PARVB: variants seen among roughly 807,000 people sequenced by gnomAD.
The protein encoded by PARVB is beta-parvin.
In PARVB, 46 loss-of-function variants were observed where a neutral mutation model predicts 47.0. The observed-to-expected ratio is 0.98, with a 90% CI of 0.77 to 1.25. PARVB has a LOEUF of 1.25. PARVB is among the 50% of genes most tolerant of loss of function. PARVB has a pLI of 0.00. For missense variants in PARVB, 473 were observed against 471.6 expected (o/e 1.00, Z -0.03); for synonymous variants, 196 against 196.3 (o/e 1.00, Z 0.01).
chr22:44,128,587 A>C (rs776059210), intron 4 of PARVB, among the ~76,000 whole-genome samples: 5 of 152,202 alleles, frequency 3.3e-5, no homozygotes, highest in African/African-American at 4.8e-5. Context: ...TCCACCACCA[A>C]ATTCATATTT....
chr22:44,114,341 G>C (rs539540639), intron 3 of PARVB: 1 of 143,950 alleles, frequency 6.9e-6, no homozygotes, highest in East Asian at 2.2e-4. Context: ...CTAAAGCCTT[G>C]CACCAACATG....
chr22:44,001,605 G>T (rs1443335757), intron 2 of PARVB, among the ~76,000 whole-genome samples: 1 of 152,238 alleles, frequency 6.6e-6, no homozygotes, highest in Non-Finnish European at 1.5e-5. Context: ...TACATCGGAA[G>T]TGGGACCATT....
chr22:44,043,980 G>A (rs1326105792), intron 1 of PARVB, among the ~76,000 whole-genome samples: 2 of 152,142 alleles, frequency 1.3e-5, no homozygotes, highest in Admixed American at 6.5e-5. Context: ...TGGGCTTGGT[G>A]CTGTACGCAG....
intron 2 of PARVB, among the ~76,000 whole-genome samples, chr22:44,094,233 CG>C (rs1348288520): frequency 6.6e-6 from 1 of 152,190 alleles, no homozygotes; most frequent in Admixed American, 6.5e-5. Context: ...AGTCTTAAAA[CG>C]TAAGTTTTAT....
chr22:44,099,575 T>G (rs1225643473), intron 2 of PARVB, among the ~76,000 whole-genome samples: 1 of 152,216 alleles, frequency 6.6e-6, no homozygotes, highest in African/African-American at 2.4e-5. Flanking sequence ...GCATGTTATT[T>G]TACATACAAC....
Position 44,155,429 on chromosome 22 carries a change from C to T in PARVB, c.844-2553C>T, listed in dbSNP as rs981444593. The stretch of plus-strand genomic sequence containing the variant: ...GTCACCCGCTCGCAGCTGGGCCCCC[C>T]AGCCCTGCCCTCTCCTTGTGGCCGT... On this transcript the variant is annotated intron_variant, in intron 10 of 12. Transcript: ENST00000338758. This position sits in a 1 kb window ranked among gnomAD's most constrained non-coding sequence, Gnocchi z 4.8. Among the ~76,000 whole-genome samples, 13 of 152,312 alleles carry T rather than the reference C, an allele frequency of 8.5e-5. No individual in the cohort carries two copies. Among genetic ancestry groups the T allele is most frequent in the African/African-American group, 2.4e-4 (10 of 41,572 alleles).
intron 8 of PARVB, chr22:44,147,390 G>C: frequency 3.0e-6 from 1 of 331,890 alleles, no homozygotes; most frequent in Non-Finnish European, 6.0e-6. Flanking sequence ...GCCAGGAGTG[G>C]AGTAGGAGGC....
intron 1 of PARVB, chr22:44,069,092 C>G: frequency 6.2e-7 from 1 of 1,609,804 alleles, no homozygotes; most frequent in Non-Finnish European, 8.5e-7. Context: ...GGGGTGTGTG[C>G]CCGCCTGCCC....
intron 1 of PARVB, among the ~76,000 whole-genome samples, chr22:44,052,515 A>G (rs2051228291): frequency 6.6e-6 from 1 of 152,228 alleles, no homozygotes; most frequent in African/African-American, 2.4e-5. Context: ...CTTTCTGTAA[A>G]GATCCAGAGA....
At chr22:44,160,080 A>G (rs761595857) in intron 11 of PARVB, among the ~76,000 whole-genome samples, 2 of 152,228 alleles carry the variant, frequency 1.3e-5, no homozygotes, top group Non-Finnish European at 2.9e-5. Flanking sequence ...CCCATGAGCT[A>G]TCTCAGAGGC....
chr22:44,063,934 T>A (rs1048259587), intron 1 of PARVB, among the ~76,000 whole-genome samples: 4 of 152,200 alleles, frequency 2.6e-5, no homozygotes, highest in Non-Finnish European at 5.9e-5. Flanking sequence ...CTTCCCATTC[T>A]CGGGGCCAGG....
intron 1 of PARVB, among the ~76,000 whole-genome samples, chr22:44,056,643 C>T (rs191025668): frequency 0.013 from 1,970 of 151,936 alleles, 56 homozygotes; most frequent in African/African-American, 0.045. Flanking sequence ...GTAGCTGGGA[C>T]GACAGGCGTG....
intron 6 of PARVB, among the ~76,000 whole-genome samples, chr22:44,135,822 T>C (rs2053430442): frequency 6.6e-6 from 1 of 152,212 alleles, no homozygotes; most frequent in Non-Finnish European, 1.5e-5. Context: ...TGTTCTTGGC[T>C]TGTGGCCACA....
chr22:44,138,348 A>G (rs1240065657), intron 7 of PARVB, among the ~76,000 whole-genome samples: 1 of 152,106 alleles, frequency 6.6e-6, no homozygotes, highest in Non-Finnish European at 1.5e-5. Context: ...AGCCACCTCA[A>G]TCAGATATCA....
chr22:44,167,491 G>T (rs2054193581), intron 12 of PARVB, among the ~76,000 whole-genome samples: 1 of 152,124 alleles, frequency 6.6e-6, no homozygotes, highest in Non-Finnish European at 1.5e-5. Context: ...CTCCCTGTGA[G>T]TCCACCATGG....
At chr22:44,091,150 T>G (rs2052156934) in intron 1 of PARVB, among the ~76,000 whole-genome samples, 1 of 152,114 alleles carries the variant, frequency 6.6e-6, no homozygotes, top group Admixed American at 6.6e-5. Flanking sequence ...GCTAAGGATT[T>G]TGGAAATTCA....
chr22:44,111,619 A>C (rs2052700928), intron 3 of PARVB: 1 of 150,100 alleles, frequency 6.7e-6, no homozygotes, highest in Non-Finnish European at 1.5e-5. Context: ...GCTAATTTTT[A>C]ATTTTTTTTG....
chr22:44,022,035 C>T (rs955095404), upstream of PARVB, among the ~76,000 whole-genome samples: 6 of 152,096 alleles, frequency 3.9e-5, no homozygotes, highest in South Asian at 2.1e-4. Flanking sequence ...TACAAGGACA[C>T]GGTCATCTTG....
chr22:44,080,123 G>T (rs1168137907), intron 1 of PARVB, among the ~76,000 whole-genome samples: 2 of 152,220 alleles, frequency 1.3e-5, no homozygotes, highest in Non-Finnish European at 2.9e-5. Flanking sequence ...TAACGCTTGT[G>T]CCAGGGGGCA....
Sources: gnomAD v4.1 joint callset for allele counts (sites outside exome capture counted in the v4.1 genomes callset) on GRCh38, gnomAD v4.1.1 for gene constraint, Gnocchi (gnomAD v3.1) non-coding constraint, MANE v1.5 for transcripts, NCBI Gene and HGNC (gene_info 2026-07-23, HGNC 2026-07-21) for gene names.